Variants in HEATR9 observed in about 807,000 individuals in gnomAD.
The protein encoded by HEATR9 is protein HEATR9.
In HEATR9, 54 loss-of-function variants were observed where a neutral mutation model predicts 68.2. That is an observed-to-expected ratio of 0.79 (90% CI 0.64 to 0.99). The LOEUF (loss-of-function observed/expected upper bound fraction) is 0.99. Ranked by LOEUF, HEATR9 falls within the 50% of genes least tolerant of loss-of-function variation. HEATR9 has a pLI of 0.00. For missense variants in HEATR9, 662 were observed against 679.7 expected (o/e 0.97, Z 0.29); for synonymous variants, 241 against 253.5 (o/e 0.95, Z 0.47).
chr17:35,861,406 G>A, intron 8 of HEATR9: 1 of 1,608,870 alleles, frequency 6.2e-7, no homozygotes. Flanking sequence ...TTTCCGGAAT[G>A]CTTTGGTCCA....
In HEATR9 at chr17:35,855,709, G is replaced by A. The variant is rs148907774; in HGVS notation, c.1320C>T (p.Leu440=). The A allele has an allele frequency of 8.4e-4, 1,351 of 1,614,082 alleles. 4 individuals are homozygous for A. The highest frequency in any genetic ancestry group is 4.3e-4 in the Non-Finnish European group (507 of 1,179,986). The part of the protein sequence containing the change: ...GIRSPQVFHL[L]LDLLDAENHQ... ...GGTTTTCTGCATCTAGTAAGTCCAG[G>A]AGCAAGTGGAACACTTGTGGACTGC... Residue 440 remains leucine (L), a synonymous_variant, in exon 14 of 15, where the codon CTC becomes CTT. Transcript: ENST00000604834.
At chr17:35,861,317 C>A in intron 8 of HEATR9, 3 of 1,416,874 alleles carry the variant, frequency 2.1e-6, no homozygotes, top group Non-Finnish European at 3.0e-6. Context: ...TTCCATAGCT[C>A]TTGCTAGTAT....
At position 35,858,540 on chromosome 17, in the gene HEATR9, G is replaced by A. The variant is rs749777362; in HGVS notation, c.940-15C>T. 3.7e-6 allele frequency: 6 copies of A among 1,608,752 alleles called. No individual in the cohort carries two copies. In the East Asian group the frequency reaches 1.1e-4, roughly 30 times the overall value. The stretch of plus-strand genomic sequence containing the variant: ...ATCCTAAGTGCCTATGAGGGGGCAG[G>A]GTAGGGCAGGGTGTACAGGGCCTAG... On this transcript the variant is annotated splice_polypyrimidine_tract_variant and intron_variant, in intron 9 of 14. Transcript: ENST00000604834.
At chr17:35,864,913 AG>A (rs758237566) in intron 3 of HEATR9, 23 bp from the exon 4 acceptor site, 44 of 1,614,088 alleles carry the variant, frequency 2.7e-5, no homozygotes, top group Non-Finnish European at 3.7e-5. Context: ...TTGCATAGGC[AG>A]CTTTGGTCCC....
chr17:35,855,885 C>T, intron 13 of HEATR9, 135 bp from the exon 14 acceptor site: 1 of 760,974 alleles, frequency 1.3e-6, no homozygotes, highest in Non-Finnish European at 2.2e-6. Context: ...TGAGATACTC[C>T]TTTCCTTGCC....
chr17:35,864,608 A>T (rs2088126218), intron 4 of HEATR9, 55 bp from the exon 5 acceptor site: 2 of 1,594,134 alleles, frequency 1.3e-6, no homozygotes, highest in Non-Finnish European at 1.7e-6. Flanking sequence ...AAAGAATTTC[A>T]AACTAAAGGG....
At chr17:35,864,078 C>T (rs1413182673) in intron 6 of HEATR9, 168 bp downstream of exon 6, 7 of 600,024 alleles carry the variant, frequency 1.2e-5, no homozygotes, top group Admixed American at 8.8e-5. Flanking sequence ...AGCTGCTCTT[C>T]GAAGAGGCCA....
At chr17:35,863,907 T>C (rs2088094325) in intron 6 of HEATR9, 1 of 534,820 alleles carries the variant, frequency 1.9e-6, no homozygotes, top group Admixed American at 3.2e-5. Context: ...AAAGAATGCA[T>C]GTTCCCAGTG....
At chr17:35,863,686 A>G (rs1290548809) in intron 6 of HEATR9, 127 bp from the exon 7 acceptor site, 1 of 994,938 alleles carries the variant, frequency 1.0e-6, no homozygotes, top group East Asian at 2.5e-5. Context: ...TGACCTATCT[A>G]TTCTCAAATA....
intron 9 of HEATR9, 92 bp downstream of exon 9, chr17:35,858,796 T>C (rs1342420895): frequency 1.4e-6 from 2 of 1,396,420 alleles, no homozygotes; most frequent in African/African-American, 2.8e-5. Flanking sequence ...GATCCTGCAG[T>C]GCTCCACCAC....
At chr17:35,865,160 C>A in intron 3 of HEATR9, 55 bp downstream of exon 3, 1 of 1,573,938 alleles carries the variant, frequency 6.4e-7, no homozygotes, top group Non-Finnish European at 8.7e-7. Context: ...TGCCCTTCCT[C>A]ACTTTCCTAG....
At chr17:35,868,126 A>T (rs966715394) in intron 1 of HEATR9, among the ~76,000 whole-genome samples, 1 of 152,196 alleles carries the variant, frequency 6.6e-6, no homozygotes, top group African/African-American at 2.4e-5. Context: ...TGGTCATGGG[A>T]TCACGCTTTG....
chr17:35,858,902 T>G lies in HEATR9; in HGVS notation c.925A>C (p.Thr309Pro). ...LLQCLCQGLK[T>P]QRMKALRMLV... ...GCCCCTCACACCTTCATCCGCTGGGTCTTGAGTCCTTGGCACAGGCACTGC... is the reference window on the plus strand; with the variant it reads ...GCCCCTCACACCTTCATCCGCTGGGGCTTGAGTCCTTGGCACAGGCACTGC... Residue 309 changes from threonine to proline, a missense_variant, in exon 9 of 15, where the codon ACC (threonine) becomes CCC (proline). Coordinates refer to ENST00000604834, the MANE Select transcript of HEATR9 (RefSeq NM_152781.4). 1 of 1,613,824 alleles carries G rather than the reference T, an allele frequency of 6.2e-7. No individual in the cohort carries two copies. The highest frequency in any genetic ancestry group is 8.5e-7 in the Non-Finnish European group (1 of 1,180,014).
intron 2 of HEATR9, 95 bp from the exon 3 acceptor site, chr17:35,865,491 G>T: frequency 1.2e-6 from 1 of 857,524 alleles, no homozygotes; most frequent in Non-Finnish European, 1.8e-6. Flanking sequence ...GGAAGGGCAG[G>T]GTGAAACAGA....
At chr17:35,861,845 A>G (rs1598592709) in intron 8 of HEATR9, among the ~76,000 whole-genome samples, 1 of 149,744 alleles carries the variant, frequency 6.7e-6, no homozygotes, top group South Asian at 2.1e-4. Context: ...AACATACTAC[A>G]TAATTTTCTT....
At chr17:35,856,632 C>T in intron 12 of HEATR9, 100 bp downstream of exon 12, 1 of 1,071,632 alleles carries the variant, frequency 9.3e-7, no homozygotes, top group South Asian at 1.4e-5. Context: ...GTTCTCAGCT[C>T]TCACTGACCC....
At chr17:35,859,095 GGGGAGGGGCTAT>G in intron 8 of HEATR9, 25 bp from the exon 9 acceptor site, 1 of 1,607,992 alleles carries the variant, frequency 6.2e-7, no homozygotes, top group Non-Finnish European at 8.5e-7. Context: ...AAATGGCTAA[GGGGAGGGGCTAT>G]GTACTTTATG....
In HEATR9 at chr17:35,865,219, A is replaced by G; in HGVS notation, c.316T>C (p.Cys106Arg). 1.2e-6 allele frequency: 2 copies of G among 1,613,336 alleles called. No individual in the cohort carries two copies. The highest frequency in any genetic ancestry group is 1.7e-6 in the Non-Finnish European group (2 of 1,179,552). Reference sequence around the variant, plus strand: ...ATGGAGGCCAGCAAAACACACCTACAGTCATCTCTCATTTTCCTCAACATC... The same window carrying G: ...ATGGAGGCCAGCAAAACACACCTACGGTCATCTCTCATTTTCCTCAACATC... ...EKMLRKMRDD[C>R]RYIKEVHQTH... is the part of the protein sequence containing the mutation. The change falls in exon 3 of 15, where the codon TGT becomes CGT. Residue 106 changes from cysteine (C) to arginine (R), a missense_variant. Physicochemically the swap from Cys to Arg is radical, Grantham distance 180. Coordinates refer to ENST00000604834, the MANE Select transcript of HEATR9 (RefSeq NM_152781.4).
rs531855317 is a variant in HEATR9, at chr17:35,866,596, TCA to T, written c.138+126_138+127del. ...TGAGGGGGAAAGTGACTGTTCAAGATCACAGTTAATGGCAGCCCCAGGGGTAA... is the reference window on the plus strand; with the variant it reads ...TGAGGGGGAAAGTGACTGTTCAAGATCAGTTAATGGCAGCCCCAGGGGTAA... On this transcript the variant is annotated intron_variant, in intron 2 of 14. Coordinates refer to ENST00000604834, the MANE Select transcript of HEATR9 (RefSeq NM_152781.4). The T allele has an allele frequency of 1.0e-4, 88 of 858,710 alleles. 1 individual carries two copies. The East Asian group carries it at 2.1e-3, about 21-fold the overall frequency. The allele number at this position is 858,710 out of a possible 1,614,324, so 53.2% of individuals were successfully genotyped here.
Sources: gnomAD v4.1 joint callset for allele counts (sites outside exome capture counted in the v4.1 genomes callset) on GRCh38, gnomAD v4.1.1 for gene constraint, MANE v1.5 for transcripts, NCBI Gene and HGNC (gene_info 2026-07-23, HGNC 2026-07-21) for gene names.